Variants in JAZF1 observed in about 807,000 individuals in gnomAD.
JAZF1 encodes the protein juxtaposed with another zinc finger protein 1.
A neutral mutation model predicts 26.4 loss-of-function variants in JAZF1; 8 were observed. That is an observed-to-expected ratio of 0.30 (90% CI 0.18 to 0.55). JAZF1 has a LOEUF of 0.55. Ranked by LOEUF, JAZF1 falls within the 20% of genes least tolerant of loss-of-function variation. JAZF1 has a pLI of 0.94. For missense variants in JAZF1, 199 were observed against 322.0 expected, an observed-to-expected ratio of 0.62 and a Z score of 2.92; for synonymous variants, 126 against 122.3, an observed-to-expected ratio of 1.03 and a Z score of -0.20.
rs1169159815 is a variant in JAZF1 at position 27,862,209 on chromosome 7, A to G, written c.386-21342T>C. Among the ~76,000 whole-genome samples, 3 of 152,238 alleles carry G rather than the reference A, an allele frequency of 2.0e-5. No individual in the cohort carries two copies. The East Asian group carries it at 5.8e-4, about 29-fold the overall frequency. On this transcript the variant is annotated intron_variant, in intron 3 of 4. Coordinates refer to ENST00000283928, the MANE Select transcript of JAZF1 (RefSeq NM_175061.4). ...ACAGATTTATTTTTACTTTTTAAAA[A>G]ATATTTTCAACTTTTATTTTAGATC...
At chr7:28,066,178 AT>A (rs1480842211) in intron 1 of JAZF1, among the ~76,000 whole-genome samples, 1 of 152,200 alleles carries the variant, frequency 6.6e-6, no homozygotes, top group African/African-American at 2.4e-5. Flanking sequence ...AATTCTAACA[AT>A]TACAGAAACA....
chr7:28,059,951 G>A (rs6462063), intron 1 of JAZF1, among the ~76,000 whole-genome samples: 3 of 151,882 alleles, frequency 2.0e-5, no homozygotes, highest in South Asian at 2.1e-4. Flanking sequence ...ACATTTAGTC[G>A]TGTTTAATGT....
chr7:27,939,929 G>GC (rs1784817352), intron 2 of JAZF1, among the ~76,000 whole-genome samples: 1 of 152,182 alleles, frequency 6.6e-6, no homozygotes, highest in Non-Finnish European at 1.5e-5. Flanking sequence ...AAGTGACCCT[G>GC]CCGCTTGCTA....
intron 2 of JAZF1, among the ~76,000 whole-genome samples, chr7:27,974,704 A>G (rs1785437921): frequency 6.6e-6 from 1 of 152,204 alleles, no homozygotes; most frequent in Admixed American, 6.5e-5. Context: ...GGGACAAGTC[A>G]AAGTTGAATT....
intron 3 of JAZF1, among the ~76,000 whole-genome samples, chr7:27,873,495 C>G (rs1783621009): frequency 6.6e-6 from 1 of 152,216 alleles, no homozygotes; most frequent in South Asian, 2.1e-4. Flanking sequence ...CATCCCCTGG[C>G]TGGCTGTCTA....
At chr7:27,967,497 A>G (rs764802648) in intron 2 of JAZF1, among the ~76,000 whole-genome samples, 7 of 152,186 alleles carry the variant, frequency 4.6e-5, no homozygotes, top group Non-Finnish European at 1.0e-4. Flanking sequence ...CTTGCCAGCC[A>G]TATTTGTGTA....
chr7:28,019,496 G>A (rs562304927), intron 1 of JAZF1, among the ~76,000 whole-genome samples: 1 of 152,124 alleles, frequency 6.6e-6, no homozygotes, highest in South Asian at 2.1e-4. Flanking sequence ...ATTGCTCATA[G>A]ATGGGACAGA....
chr7:28,110,532 G>GAAAAGGAAAGGAAAAGGA (rs66665962), intron 1 of JAZF1, among the ~76,000 whole-genome samples: 1 of 35,544 alleles, frequency 2.8e-5, no homozygotes, highest in Admixed American at 5.0e-4. Flanking sequence ...AAAGGAAAAG[G>GAAAAGGAAAGGAAAAGGA]AAAGGAAAAG....
At chr7:27,908,918 T>C (rs541218240) in intron 2 of JAZF1, among the ~76,000 whole-genome samples, 1 of 152,374 alleles carries the variant, frequency 6.6e-6, no homozygotes, top group Non-Finnish European at 1.5e-5. Context: ...ACAAGTTTAG[T>C]TTTCCCTGTT....
intron 1 of JAZF1, chr7:28,118,294 A>T (rs989283059): frequency 6.6e-6 from 1 of 152,148 alleles, no homozygotes; most frequent in African/African-American, 2.4e-5. Flanking sequence ...AGGCGGGTGG[A>T]TCACAAGGTC....
intron 1 of JAZF1, among the ~76,000 whole-genome samples, chr7:28,106,581 T>C (rs1360172111): frequency 6.6e-6 from 1 of 152,188 alleles, no homozygotes; most frequent in East Asian, 1.9e-4. Context: ...TTTCTTGCTA[T>C]GGGGATCAAG....
chr7:27,928,109 T>A (rs1359602339), intron 2 of JAZF1, among the ~76,000 whole-genome samples: 1 of 152,218 alleles, frequency 6.6e-6, no homozygotes, highest in Non-Finnish European at 1.5e-5. Context: ...GTGATGGCTA[T>A]ACTTAAAATG....
chr7:27,909,002 T>TATTCATTCATTCATTCATTCATTCATTC (rs71555720), intron 2 of JAZF1, among the ~76,000 whole-genome samples: 1 of 151,052 alleles, frequency 6.6e-6, no homozygotes, highest in African/African-American at 2.5e-5. Flanking sequence ...ACTTGAATAA[T>TATTCATTCATTCATTCATTCATTCATTC]ATTCATTCAT....
intron 1 of JAZF1, among the ~76,000 whole-genome samples, chr7:28,056,650 G>A (rs922142751): frequency 4.6e-5 from 7 of 152,138 alleles, no homozygotes; most frequent in African/African-American, 1.7e-4. Flanking sequence ...AATCAGGAGA[G>A]CTATCTGGCT....
At chr7:28,021,486 GCACACACTAAGGA>G (rs1463381419) in intron 1 of JAZF1, among the ~76,000 whole-genome samples, 1 of 152,046 alleles carries the variant, frequency 6.6e-6, no homozygotes, top group Non-Finnish European at 1.5e-5. Context: ...TGATAACTCG[GCACACACTAAGGA>G]CACACACCAG....
intron 3 of JAZF1, among the ~76,000 whole-genome samples, chr7:27,868,383 G>C (rs912199835): frequency 1.3e-5 from 2 of 152,154 alleles, no homozygotes; most frequent in Non-Finnish European, 2.9e-5. Context: ...ACTCCCTGTG[G>C]GGTTGACTGC....
At chr7:28,069,834 T>C (rs1384850872) in intron 1 of JAZF1, among the ~76,000 whole-genome samples, 1 of 152,142 alleles carries the variant, frequency 6.6e-6, no homozygotes, top group Non-Finnish European at 1.5e-5. Context: ...CAAAAACTCA[T>C]GCCCCCAAGT....
chr7:27,853,002 T>C (rs1783179161), intron 3 of JAZF1, among the ~76,000 whole-genome samples: 1 of 152,210 alleles, frequency 6.6e-6, no homozygotes, highest in Non-Finnish European at 1.5e-5. Flanking sequence ...AGAAGTCAGA[T>C]AGGGCTATGA....
At chr7:27,835,741 C>T (rs1782794713) in intron 4 of JAZF1, among the ~76,000 whole-genome samples, 2 of 152,166 alleles carry the variant, frequency 1.3e-5, no homozygotes, top group Admixed American at 6.5e-5. Context: ...GTCCTCTTTA[C>T]AAGACCAGAG....
Sources: allele counts gnomAD v4.1 joint callset (sites outside exome capture counted in the v4.1 genomes callset), GRCh38; gene constraint gnomAD v4.1.1; transcripts MANE v1.5; gene names NCBI Gene and HGNC (gene_info 2026-07-23, HGNC 2026-07-21).